LRTM1: variants seen among roughly 807,000 people sequenced by gnomAD.
The protein encoded by LRTM1 is leucine rich repeat transmembrane protein 1, also known as leucine-rich repeat and transmembrane domain-containing protein 1.
A neutral mutation model predicts 32.4 loss-of-function variants in LRTM1; 38 were observed. The ratio of observed to expected loss-of-function variants is 1.17; its 90% confidence interval spans 0.91 to 1.54. The LOEUF is 1.54. Ranked by LOEUF, LRTM1 falls within the 40% of genes most tolerant of loss-of-function variation. LRTM1 has a pLI of 0.00. For synonymous variants in LRTM1, 186 were observed against 169.9 expected, an observed-to-expected ratio of 1.09 and a Z score of -0.74; for missense variants, 466 against 415.4, an observed-to-expected ratio of 1.12 and a Z score of -1.06.
chr3:54,924,805 A>G lies in LRTM1; in HGVS notation c.418T>C (p.Ser140Pro). ...AGGTTCTCCCAAGTCTCTCCCAAGG[A>G]TGTGGGAAGGTGGCTTATGTTGTTT... ...SSNNISHLPT[S>P]LGETWENLTI... is the part of the protein sequence containing the mutation. The change falls in exon 2 of 3, where the codon TCC becomes CCC. Residue 140 changes from serine to proline, a missense_variant. Physicochemically the swap from Ser to Pro is moderately conservative, Grantham distance 74. Transcript: ENST00000273286. 2 of 1,614,042 alleles carry G rather than the reference A, an allele frequency of 1.2e-6. No individual in the cohort carries two copies. The highest frequency in any genetic ancestry group is 1.7e-6 in the Non-Finnish European group (2 of 1,179,992).
intron 2 of LRTM1, among the ~76,000 whole-genome samples, chr3:54,922,163 G>A (rs1264759717): frequency 2.0e-5 from 3 of 152,118 alleles, no homozygotes; most frequent in Admixed American, 1.3e-4. Flanking sequence ...GGAATGGGCC[G>A]TAGGAACTCC....
upstream of LRTM1, among the ~76,000 whole-genome samples, chr3:54,931,438 A>G (rs577864444): frequency 1.3e-5 from 2 of 152,324 alleles, no homozygotes; most frequent in Admixed American, 6.5e-5. Flanking sequence ...TGCTAATGCT[A>G]GGCAGTGCCT....
At chr3:54,923,481 A>G (rs1436621366) in intron 2 of LRTM1, among the ~76,000 whole-genome samples, 1 of 152,120 alleles carries the variant, frequency 6.6e-6, no homozygotes, top group Admixed American at 6.5e-5. Context: ...AATGAGACCC[A>G]CATTCTATCA....
intron 1 of LRTM1, among the ~76,000 whole-genome samples, chr3:54,957,199 C>T (rs185856236): frequency 2.6e-4 from 39 of 151,826 alleles, no homozygotes; most frequent in Non-Finnish European, 4.3e-4. Flanking sequence ...GGTTTCTGTC[C>T]CCCAGGCTGG....
upstream of LRTM1, among the ~76,000 whole-genome samples, chr3:54,932,844 A>G (rs1701225038): frequency 6.6e-6 from 1 of 152,224 alleles, no homozygotes; most frequent in South Asian, 2.1e-4. Context: ...TGACAGCTGC[A>G]GCCAGGAATA....
intron 2 of LRTM1, among the ~76,000 whole-genome samples, chr3:54,919,585 T>G (rs1700776750): frequency 6.6e-6 from 1 of 152,178 alleles, no homozygotes; most frequent in Non-Finnish European, 1.5e-5. Flanking sequence ...CTCAGGTGTG[T>G]AGACTGCTGT....
intron 2 of LRTM1, among the ~76,000 whole-genome samples, chr3:54,924,196 C>T (rs1700942187): frequency 6.6e-6 from 1 of 152,134 alleles, no homozygotes; most frequent in African/African-American, 2.4e-5. Flanking sequence ...TTACAGTTGT[C>T]AAATGGGTAG....
chr3:54,921,067 C>T (rs552762523), intron 2 of LRTM1, among the ~76,000 whole-genome samples: 6 of 152,280 alleles, frequency 3.9e-5, no homozygotes, highest in South Asian at 4.1e-4. Flanking sequence ...ATGACCCCCT[C>T]GTCAAATCTG....
At chr3:54,947,624 G>A (rs17054588) in intron 1 of LRTM1, among the ~76,000 whole-genome samples, 24,119 of 152,104 alleles carry the variant, frequency 0.16, 2,153 homozygotes, top group African/African-American at 0.24. Context: ...TATGGAGATA[G>A]TGGAGACTTA....
intron 1 of LRTM1, among the ~76,000 whole-genome samples, chr3:54,944,324 T>G (rs1322153851): frequency 6.6e-6 from 1 of 152,174 alleles, no homozygotes; most frequent in Non-Finnish European, 1.5e-5. Context: ...CACGTTTTCT[T>G]TTCCCAACAT....
chr3:54,966,476 A>G (rs1429260706), intron 1 of LRTM1, among the ~76,000 whole-genome samples: 1 of 152,200 alleles, frequency 6.6e-6, no homozygotes, highest in Non-Finnish European at 1.5e-5. Flanking sequence ...CTGATTTACT[A>G]AAGCCATCCC....
chr3:54,936,138 C>T, intron 1 of LRTM1, among the ~76,000 whole-genome samples: 1 of 149,910 alleles, frequency 6.7e-6, no homozygotes, highest in East Asian at 1.9e-4. Flanking sequence ...AAGGGTTAAA[C>T]AGTTTTTTAT....
chr3:54,946,732 A>T (rs1478583385), intron 1 of LRTM1, among the ~76,000 whole-genome samples: 2 of 152,080 alleles, frequency 1.3e-5, no homozygotes, highest in Non-Finnish European at 2.9e-5. Flanking sequence ...ACTGGATGCA[A>T]AGAATCCAAT....
intron 1 of LRTM1, among the ~76,000 whole-genome samples, chr3:54,946,663 T>TG (rs2107002228): frequency 6.6e-6 from 1 of 152,164 alleles, no homozygotes; most frequent in East Asian, 1.9e-4. Context: ...GGTGCAAACC[T>TG]GGGGGGAGCT....
chr3:54,958,239 A>G (rs1395956960), intron 1 of LRTM1, among the ~76,000 whole-genome samples: 1 of 152,232 alleles, frequency 6.6e-6, no homozygotes, highest in Non-Finnish European at 1.5e-5. Context: ...AGAATATTCC[A>G]TGTATCGGAT....
At chr3:54,961,511 A>G (rs1347423958) in intron 1 of LRTM1, among the ~76,000 whole-genome samples, 2 of 152,204 alleles carry the variant, frequency 1.3e-5, no homozygotes, top group African/African-American at 4.8e-5. Context: ...CTATTAGGAG[A>G]AAATCTTCTG....
chr3:54,952,925 G>A (rs1701795118), intron 1 of LRTM1, among the ~76,000 whole-genome samples: 1 of 152,152 alleles, frequency 6.6e-6, no homozygotes, highest in Admixed American at 6.6e-5. Flanking sequence ...CAGCAACAAA[G>A]GAGGAAACTT....
chr3:54,929,211 G>GACAA, upstream of LRTM1, among the ~76,000 whole-genome samples: 1 of 152,290 alleles, frequency 6.6e-6, no homozygotes, highest in East Asian at 1.9e-4. Flanking sequence ...CTGACATGGG[G>GACAA]ACAACATTAG....
At chr3:54,930,223 C>T (rs945583722), upstream of LRTM1, among the ~76,000 whole-genome samples, 1 of 152,134 alleles carries the variant, frequency 6.6e-6, no homozygotes, top group African/African-American at 2.4e-5. Flanking sequence ...TCTCACTAGT[C>T]CACCACCCCA....
Sources: gnomAD v4.1 joint callset for allele counts (sites outside exome capture counted in the v4.1 genomes callset) on GRCh38, gnomAD v4.1.1 for gene constraint, MANE v1.5 for transcripts, NCBI Gene and HGNC (gene_info 2026-07-23, HGNC 2026-07-21) for gene names.